C12orf56: variants seen among roughly 807,000 people sequenced by gnomAD.
The protein encoded by C12orf56 is uncharacterized protein C12orf56.
C12orf56 carries 71 observed loss-of-function variants against 69.9 expected under a neutral mutation model. The observed-to-expected ratio is 1.02, with a 90% CI of 0.84 to 1.24. The LOEUF (loss-of-function observed/expected upper bound fraction) is 1.24, where lower values mean the gene tolerates loss of function less well. Among genes scored for constraint, C12orf56 ranks in the 50% most tolerant of loss-of-function variants. The pLI is 0.00. For synonymous variants in C12orf56, 276 were observed against 274.1 expected, an observed-to-expected ratio of 1.01 and a Z score of -0.07; for missense variants, 732 against 738.5, an observed-to-expected ratio of 0.99 and a Z score of 0.10.
intron 2 of C12orf56, among the ~76,000 whole-genome samples, chr12:64,333,575 C>G (rs943415047): frequency 6.6e-6 from 1 of 152,194 alleles, no homozygotes; most frequent in Non-Finnish European, 1.5e-5. Flanking sequence ...AATCTCGGCT[C>G]ACTGCAGCCT....
At chr12:64,362,758 C>A (rs2039415594) in intron 1 of C12orf56, among the ~76,000 whole-genome samples, 1 of 151,842 alleles carries the variant, frequency 6.6e-6, no homozygotes, top group Non-Finnish European at 1.5e-5. Context: ...AAAAAATAGC[C>A]AATTTATTTC....
intron 1 of C12orf56, among the ~76,000 whole-genome samples, chr12:64,360,201 G>A (rs1055214682): frequency 9.2e-5 from 14 of 152,048 alleles, no homozygotes; most frequent in Non-Finnish European, 2.1e-4. Flanking sequence ...TGAGGCCAGC[G>A]ATTGCATGAG....
rs2037917566 is a variant in C12orf56 at position 64,266,093 on chromosome 12, CTT to C, written c.*1088_*1089del. ...TGTTCTGCTCATTCTTCCAGGAATA[CTT>C]TTGTCACTAGAATTTGTATAGGTGG... On this transcript the variant is annotated 3_prime_UTR_variant, in exon 13 of 13. Coordinates refer to ENST00000543942, the MANE Select transcript of C12orf56 (RefSeq NM_001170633.2). 6.6e-6 allele frequency: 1 copy of C among 152,228 alleles called. No homozygotes were observed. The highest frequency in any genetic ancestry group is 2.4e-5 in the African/African-American group (1 of 41,464). The allele number at this position is 152,228 out of a possible 1,614,324, so 9.4% of individuals were successfully genotyped here.
intron 1 of C12orf56, among the ~76,000 whole-genome samples, chr12:64,360,238 A>G (rs2039381493): frequency 6.6e-6 from 1 of 152,038 alleles, no homozygotes; most frequent in Non-Finnish European, 1.5e-5. Flanking sequence ...CAGCCTGGCC[A>G]GCATGGCGAA....
chr12:64,339,800 A>G (rs950015558), intron 2 of C12orf56, among the ~76,000 whole-genome samples: 4 of 151,986 alleles, frequency 2.6e-5, no homozygotes, highest in African/African-American at 9.7e-5. Context: ...GCCTTAAGCA[A>G]TTGTCCCACC....
intron 3 of C12orf56, among the ~76,000 whole-genome samples, chr12:64,322,124 C>G (rs1280331235): frequency 6.6e-6 from 1 of 151,788 alleles, no homozygotes; most frequent in Non-Finnish European, 1.5e-5. Flanking sequence ...GGATTACAGG[C>G]ATGAGCCATT....
At chr12:64,327,020 G>A (rs1428214143) in intron 3 of C12orf56, among the ~76,000 whole-genome samples, 1 of 152,186 alleles carries the variant, frequency 6.6e-6, no homozygotes, top group Admixed American at 6.5e-5. Flanking sequence ...AATGGAACTG[G>A]CTTTATAAGA....
chr12:64,274,629 T>G (rs917273144), intron 11 of C12orf56, among the ~76,000 whole-genome samples: 2 of 152,212 alleles, frequency 1.3e-5, no homozygotes, highest in African/African-American at 4.8e-5. Context: ...ATTATACAGC[T>G]AATAATTTAA....
At chr12:64,371,757 G>A (rs1027682692) in intron 1 of C12orf56, among the ~76,000 whole-genome samples, 3 of 152,076 alleles carry the variant, frequency 2.0e-5, no homozygotes, top group African/African-American at 7.2e-5. Flanking sequence ...TTGAATCCAG[G>A]AGGTAGAGGT....
chr12:64,329,650 A>T (rs1376417153), intron 3 of C12orf56, among the ~76,000 whole-genome samples: 4 of 143,536 alleles, frequency 2.8e-5, no homozygotes, highest in African/African-American at 1.0e-4. Context: ...AGCATTAGGT[A>T]TATCTCCCAA....
chr12:64,322,165 T>C (rs1462796674), intron 3 of C12orf56, among the ~76,000 whole-genome samples: 1 of 151,784 alleles, frequency 6.6e-6, no homozygotes, highest in African/African-American at 2.4e-5. Flanking sequence ...ACTATACTTT[T>C]TCTCCTCTCC....
intron 12 of C12orf56, among the ~76,000 whole-genome samples, chr12:64,269,169 TA>T (rs1036721208): frequency 4.0e-5 from 6 of 151,504 alleles, no homozygotes; most frequent in South Asian, 2.1e-4. Flanking sequence ...AATTGGACTG[TA>T]GTTTTTTTTT....
intron 4 of C12orf56, among the ~76,000 whole-genome samples, chr12:64,314,127 C>G (rs1239631953): frequency 6.6e-6 from 1 of 151,576 alleles, no homozygotes; most frequent in Non-Finnish European, 1.5e-5. Context: ...ACTCTGTCAC[C>G]CAGGTTGGAG....
chr12:64,370,364 A>G (rs1450542794), intron 1 of C12orf56, among the ~76,000 whole-genome samples: 1 of 151,428 alleles, frequency 6.6e-6, no homozygotes, highest in Non-Finnish European at 1.5e-5. Flanking sequence ...CCAAAAAAAA[A>G]GATAGGCCGG....
chr12:64,308,497 T>G (rs1040767135), intron 5 of C12orf56, among the ~76,000 whole-genome samples: 1 of 152,126 alleles, frequency 6.6e-6, no homozygotes, highest in African/African-American at 2.4e-5. Flanking sequence ...AATAAAATTT[T>G]TTATTATGGA....
intron 1 of C12orf56, among the ~76,000 whole-genome samples, chr12:64,378,034 G>A (rs190473539): frequency 6.6e-6 from 1 of 152,298 alleles, no homozygotes; most frequent in Admixed American, 6.5e-5. Flanking sequence ...ACTGAGCTAA[G>A]AATATTATCT....
chr12:64,346,733 A>G (rs150152187), intron 2 of C12orf56, among the ~76,000 whole-genome samples: 112 of 152,246 alleles, frequency 7.4e-4, no homozygotes, highest in African/African-American at 2.6e-3. Context: ...AGCTATCTAG[A>G]GGCCCACCAA....
At chr12:64,369,354 C>T (rs566854015) in intron 1 of C12orf56, among the ~76,000 whole-genome samples, 10 of 152,048 alleles carry the variant, frequency 6.6e-5, no homozygotes, top group African/African-American at 1.7e-4. Flanking sequence ...TGTGCCACCA[C>T]GCCCGGCTAA....
intron 11 of C12orf56, 49 bp downstream of exon 11, chr12:64,274,852 T>C (rs2038029751): frequency 7.1e-7 from 1 of 1,402,182 alleles, no homozygotes; most frequent in East Asian, 2.3e-5. Flanking sequence ...CAAGAGTATC[T>C]GTTTAATTAG....
Sources: gnomAD v4.1 joint callset for allele counts (sites outside exome capture counted in the v4.1 genomes callset) on GRCh38, gnomAD v4.1.1 for gene constraint, MANE v1.5 for transcripts, NCBI Gene and HGNC (gene_info 2026-07-23, HGNC 2026-07-21) for gene names.